The following ANKRD26 variants were observed in gnomAD, a reference collection of about 807,000 sequenced individuals.
The protein encoded by ANKRD26 is ankyrin repeat domain-containing protein 26.
ANKRD26 carries 141 observed loss-of-function variants against 208.7 expected under a neutral mutation model. The observed-to-expected ratio is 0.68, with a 90% CI of 0.59 to 0.78. The LOEUF (loss-of-function observed/expected upper bound fraction) is 0.78. Among genes scored for constraint, ANKRD26 ranks in the 30% least tolerant of loss-of-function variants. The probability of loss-of-function intolerance (pLI) is 0.00; values close to 1 mark genes in which losing one functional copy is unlikely to be tolerated. For missense variants in ANKRD26, 1,889 were observed against 1,938.7 expected, an observed-to-expected ratio of 0.97 and a Z score of 0.48; for synonymous variants, 636 against 660.4, an observed-to-expected ratio of 0.96 and a Z score of 0.57.
intron 5 of ANKRD26, among the ~76,000 whole-genome samples, chr10:26,994,190 G>A (rs1416070841): frequency 1.3e-5 from 2 of 152,278 alleles, no homozygotes; most frequent in Middle Eastern, 3.4e-3. Context: ...TGGATAAAAT[G>A]TTATGGCTAA....
chr10:27,027,511 C>T (rs1260827184), intron 27 of ANKRD26, among the ~76,000 whole-genome samples: 3 of 152,124 alleles, frequency 2.0e-5, no homozygotes, highest in South Asian at 2.1e-4. Flanking sequence ...ATAATCCGAA[C>T]GTCCATCAAT....
At chr10:27,099,671 G>C (rs542779711) in intron 1 of ANKRD26, among the ~76,000 whole-genome samples, 11 of 151,910 alleles carry the variant, frequency 7.2e-5, no homozygotes, top group Non-Finnish European at 1.3e-4. Context: ...GCGAGCCACC[G>C]CGCCTGACGA....
At chr10:27,055,271 G>A (rs183314961) in intron 15 of ANKRD26, among the ~76,000 whole-genome samples, 1 of 152,114 alleles carries the variant, frequency 6.6e-6, no homozygotes, top group East Asian at 1.9e-4. Flanking sequence ...CCTGTGTTAA[G>A]GGATTTCATT....
intron 15 of ANKRD26, 148 bp downstream of exon 15, chr10:27,060,197 G>C: frequency 1.5e-6 from 1 of 670,932 alleles, no homozygotes; most frequent in South Asian, 1.9e-5. Flanking sequence ...AGCAAGACTC[G>C]GTCTCAATTA....
intron 3 of ANKRD26, among the ~76,000 whole-genome samples, chr10:26,986,865 A>G (rs1276653483): frequency 6.6e-6 from 1 of 152,252 alleles, no homozygotes; most frequent in Non-Finnish European, 1.5e-5. Context: ...TGTGGAAGTC[A>G]ATGTGGCAAT....
chr10:27,043,852 C>G (rs1303948151), intron 19 of ANKRD26, among the ~76,000 whole-genome samples: 1 of 151,644 alleles, frequency 6.6e-6, no homozygotes, highest in East Asian at 1.9e-4. Context: ...AGTGCAGTAT[C>G]GTGACCATAG....
chr10:26,964,379 A>G, the ANKRD26 span, among the ~76,000 whole-genome samples: 95,170 of 151,914 alleles, frequency 0.63, 30,570 homozygotes, highest in African/African-American at 0.78. Context: ...ACCCTTCTCC[A>G]CATCCATAGC....
chr10:26,950,836 T>A, the ANKRD26 span, among the ~76,000 whole-genome samples: 2 of 152,166 alleles, frequency 1.3e-5, no homozygotes, highest in South Asian at 4.1e-4. Context: ...CTGTGCCTCC[T>A]GTATTTCTGT....
rs1223439107 is a variant in ANKRD26 at position 27,046,179 on chromosome 10, G to A, written c.1985+174C>T. ...CATCCACTATAGTCAGGGCTCCATG[G>A]TGACCATTTATTGAAATGGCTGCTT... On this transcript the variant is annotated intron_variant, in intron 18 of 33. Coordinates refer to ENST00000376087, the MANE Select transcript of ANKRD26 (RefSeq NM_014915.3). The A allele has an allele frequency of 1.4e-5, 10 of 703,744 alleles. No individual in the cohort carries two copies. In the East Asian group the frequency reaches 2.2e-4, roughly 16 times the overall value. 43.6% of individuals were successfully genotyped at this position (703,744 alleles called of 1,614,324 possible).
At chr10:27,019,213 G>T (rs957599196) in intron 29 of ANKRD26, among the ~76,000 whole-genome samples, 35 of 152,226 alleles carry the variant, frequency 2.3e-4, no homozygotes, top group African/African-American at 8.4e-4. Flanking sequence ...CCAGGAGGCG[G>T]AGCTTGCAGT....
chr10:27,085,112 T>G lies in ANKRD26; in HGVS notation c.709+1427A>C, dbSNP rs548570194. On this transcript the variant is annotated intron_variant, in intron 5 of 33. Transcript: ENST00000376087. ...ACACACTTGTTTTTTTTGTTTGTTTTTTTTTTGAGATGGAGTCTCGCTCTG... is the reference window on the plus strand; with the variant it reads ...ACACACTTGTTTTTTTTGTTTGTTTGTTTTTTGAGATGGAGTCTCGCTCTG... 1.0e-3 allele frequency among the ~76,000 whole-genome samples: 152 copies of G among 152,034 alleles called. 2 individuals are homozygous for G. The highest frequency in any genetic ancestry group is 3.4e-3 in the African/African-American group (143 of 41,496).
At chr10:27,008,988 C>T (rs1018512890) in intron 32 of ANKRD26, among the ~76,000 whole-genome samples, 4 of 152,130 alleles carry the variant, frequency 2.6e-5, no homozygotes, top group African/African-American at 4.8e-5. Flanking sequence ...TACAGGCGCG[C>T]AACACCACGC....
chr10:27,082,076 G>GAAAA (rs1564424246), intron 6 of ANKRD26, among the ~76,000 whole-genome samples: 6,860 of 37,108 alleles, frequency 0.18, 284 homozygotes, highest in East Asian at 0.33. Context: ...AAAAAAAAAG[G>GAAAA]GAGAGAGAGA....
chr10:26,988,774 G>C (rs1045928585), downstream of ANKRD26, among the ~76,000 whole-genome samples: 2 of 151,568 alleles, frequency 1.3e-5, no homozygotes, highest in Non-Finnish European at 2.9e-5. Context: ...AGCCGGGCAT[G>C]ATGGCTCACA....
chr10:27,077,701 A>G lies in ANKRD26; in HGVS notation c.814-8T>C. 1 of 1,608,748 alleles carries G rather than the reference A, an allele frequency of 6.2e-7. No individual in the cohort carries two copies. Among genetic ancestry groups the G allele is most frequent in the Non-Finnish European group, 8.5e-7 (1 of 1,177,398 alleles). On this transcript the variant is annotated splice_region_variant and splice_polypyrimidine_tract_variant and intron_variant, in intron 7 of 33. Coordinates refer to ENST00000376087, the MANE Select transcript of ANKRD26 (RefSeq NM_014915.3). ...GCTTGGTTTTGGGACATTCTAGAAA[A>G]CAAAAATAAGAATAACAAGTTTTAA...
chr10:27,063,124 T>G (rs1035864625), intron 12 of ANKRD26, among the ~76,000 whole-genome samples: 1 of 152,126 alleles, frequency 6.6e-6, no homozygotes, highest in African/African-American at 2.4e-5. Context: ...CCTGTATTCA[T>G]CTACAGCAGA....
intron 25 of ANKRD26, among the ~76,000 whole-genome samples, chr10:27,032,773 C>T (rs1490786094): frequency 1.3e-5 from 2 of 151,902 alleles, no homozygotes; most frequent in Non-Finnish European, 2.9e-5. Flanking sequence ...TGAGACAGTG[C>T]CACTGTACTC....
Position 27,086,533 on chromosome 10 carries a change from T to C in ANKRD26, c.709+6A>G, listed in dbSNP as rs774975313. ...ACCAAGAGAAATTCACTATTGGAAG[T>C]CTTACCTGAATTACTATTTTGAGAA... On this transcript the variant is annotated splice_donor_region_variant and intron_variant, in intron 5 of 33. Coordinates refer to ENST00000376087, the MANE Select transcript of ANKRD26 (RefSeq NM_014915.3). The C allele has an allele frequency of 2.5e-6, 4 of 1,605,564 alleles. No individual in the cohort carries two copies. Among genetic ancestry groups the C allele is most frequent in the Non-Finnish European group, 2.6e-6 (3 of 1,175,012 alleles).
the ANKRD26 span, among the ~76,000 whole-genome samples, chr10:26,966,631 T>G: frequency 3.9e-5 from 6 of 152,164 alleles, no homozygotes; most frequent in African/African-American, 1.4e-4. Flanking sequence ...AATTGTTCAA[T>G]TTTTTGGTAA....
Sources: allele counts gnomAD v4.1 joint callset (sites outside exome capture counted in the v4.1 genomes callset), GRCh38; gene constraint gnomAD v4.1.1; transcripts MANE v1.5; gene names NCBI Gene and HGNC (gene_info 2026-07-23, HGNC 2026-07-21).